Variants in PTPRK observed in about 807,000 individuals in gnomAD.
The protein encoded by PTPRK is protein tyrosine phosphatase receptor type K, also known as receptor-type tyrosine-protein phosphatase kappa.
In PTPRK, 75 loss-of-function variants were observed where a neutral mutation model predicts 178.0. The ratio of observed to expected loss-of-function variants is 0.42; its 90% CI spans 0.35 to 0.51. The LOEUF (loss-of-function observed/expected upper bound fraction) is 0.51. Ranked by LOEUF, PTPRK falls within the 20% of genes least tolerant of loss-of-function variation. The pLI is 0.02. For synonymous variants in PTPRK, 637 were observed against 620.6 expected (o/e 1.03, Z -0.39); for missense variants, 1,441 against 1,797.8 (o/e 0.80, Z 3.59).
chr6:128,017,802 G>GTGTGTATATATATATATATATA (rs1287001811), intron 13 of PTPRK, among the ~76,000 whole-genome samples: 1 of 101,256 alleles, frequency 9.9e-6, no homozygotes, highest in African/African-American at 3.3e-5. Context: ...ATATATATGT[G>GTGTGTATATATATATATATATA]TATATATATA....
At chr6:127,989,161 T>G (rs990461912) in intron 21 of PTPRK, among the ~76,000 whole-genome samples, 3 of 152,088 alleles carry the variant, frequency 2.0e-5, no homozygotes, top group Non-Finnish European at 2.9e-5. Flanking sequence ...TATTACTAAG[T>G]TCATCATTGA....
intron 1 of PTPRK, among the ~76,000 whole-genome samples, chr6:128,491,427 T>A (rs1376442600): frequency 6.6e-6 from 1 of 152,182 alleles, no homozygotes; most frequent in African/African-American, 2.4e-5. Context: ...ACATTCCCAG[T>A]GGGACACAAA....
intron 1 of PTPRK, among the ~76,000 whole-genome samples, chr6:128,492,833 C>T (rs897065442): frequency 2.0e-5 from 3 of 152,178 alleles, no homozygotes; most frequent in African/African-American, 7.2e-5. Context: ...AAACCCCTTG[C>T]TAGTGCCACA....
chr6:128,483,833 T>C (rs760919649), intron 1 of PTPRK, among the ~76,000 whole-genome samples: 1 of 152,194 alleles, frequency 6.6e-6, no homozygotes, highest in Non-Finnish European at 1.5e-5. Flanking sequence ...TAACGTGATA[T>C]GAAATGTTCA....
intron 29 of PTPRK, 59 bp from the exon 30 acceptor site, chr6:127,970,339 A>G: frequency 7.3e-7 from 1 of 1,373,736 alleles, no homozygotes; most frequent in South Asian, 1.2e-5. Context: ...AATGTTGAAT[A>G]ACAGTTACCA....
chr6:128,347,690 T>A (rs1006360840), intron 2 of PTPRK, among the ~76,000 whole-genome samples: 3 of 152,076 alleles, frequency 2.0e-5, no homozygotes, highest in Admixed American at 6.6e-5. Context: ...TTACTGTTTT[T>A]CCTCGTGTAA....
At chr6:128,440,404 A>AT (rs1379712275) in intron 1 of PTPRK, among the ~76,000 whole-genome samples, 2 of 152,230 alleles carry the variant, frequency 1.3e-5, no homozygotes, top group African/African-American at 4.8e-5. Flanking sequence ...CCGATTTCAG[A>AT]TGAGTGTTAG....
At chr6:128,319,379 C>T (rs1175726072) in intron 3 of PTPRK, among the ~76,000 whole-genome samples, 1 of 152,132 alleles carries the variant, frequency 6.6e-6, no homozygotes, top group Non-Finnish European at 1.5e-5. Flanking sequence ...TTTTTATCTT[C>T]TACAGAGCAA....
At chr6:128,321,699 A>G in intron 3 of PTPRK, 2 of 660,644 alleles carry the variant, frequency 3.0e-6, no homozygotes, top group South Asian at 1.7e-5. Context: ...ACAAAGCTGT[A>G]GGAAAGAATC....
chr6:128,082,774 T>C, intron 9 of PTPRK, 136 bp from the exon 10 acceptor site: 1 of 574,234 alleles, frequency 1.7e-6, no homozygotes, highest in East Asian at 2.9e-5. Context: ...TTCTTTCTCA[T>C]GTTGATATTG....
At chr6:128,278,100 A>T (rs1293011011) in intron 3 of PTPRK, among the ~76,000 whole-genome samples, 1 of 151,894 alleles carries the variant, frequency 6.6e-6, no homozygotes, top group East Asian at 1.9e-4. Context: ...AGGTAAAGGA[A>T]ACAATGCAGG....
At chr6:128,063,253 T>C (rs1429474720) in intron 13 of PTPRK, among the ~76,000 whole-genome samples, 1 of 152,200 alleles carries the variant, frequency 6.6e-6, no homozygotes, top group Non-Finnish European at 1.5e-5. Flanking sequence ...TCAATTATTC[T>C]ATGCCACATG....
intron 3 of PTPRK, among the ~76,000 whole-genome samples, chr6:128,269,184 GC>G (rs1819403460): frequency 6.6e-6 from 1 of 152,038 alleles, no homozygotes; most frequent in Admixed American, 6.6e-5. Flanking sequence ...CAAATTTTAT[GC>G]CCAATACTGT....
Position 127,990,781 on chromosome 6 carries a change from G to C in PTPRK, c.3084C>G (p.Phe1028Leu), listed in dbSNP as rs368958277. The change falls in exon 21 of 30, where the codon TTC becomes TTG. Residue 1028 changes from phenylalanine to leucine, a missense_variant. This residue lies in a region of PTPRK where 945 missense variants were observed against 1,080.6 expected (regional missense o/e 0.87). Coordinates refer to ENST00000368226, the MANE Select transcript of PTPRK (RefSeq NM_002844.4). ...TTAGAGTACTTACCCTTTCCAGGGTGAATGTCCTAACTACATATTCAGCAA... is the reference window on the plus strand; with the variant it reads ...TTAGAGTACTTACCCTTTCCAGGGTCAATGTCCTAACTACATATTCAGCAA... ...EPLAEYVVRT[F>L]TLERRGYNEI... is the part of the protein sequence containing the mutation. 4 of 1,599,934 alleles carry C rather than the reference G, an allele frequency of 2.5e-6. No homozygotes were observed. The African/African-American group carries it at 4.0e-5, about 16-fold the overall frequency.
chr6:128,484,994 T>C (rs1852602268), intron 1 of PTPRK, among the ~76,000 whole-genome samples: 1 of 152,174 alleles, frequency 6.6e-6, no homozygotes, highest in Admixed American at 6.5e-5. Flanking sequence ...TGGGATCAAA[T>C]GCATTAGACT....
chr6:128,303,298 T>A (rs750061179), intron 3 of PTPRK, among the ~76,000 whole-genome samples: 1 of 152,198 alleles, frequency 6.6e-6, no homozygotes, highest in Non-Finnish European at 1.5e-5. Context: ...CCCTTTTTTG[T>A]TCCACTAAAC....
intron 23 of PTPRK, 47 bp from the exon 24 acceptor site, chr6:127,983,027 C>A: frequency 6.5e-7 from 1 of 1,540,562 alleles, no homozygotes; most frequent in Non-Finnish European, 8.8e-7. Flanking sequence ...TTTAGTATCA[C>A]TTTTCTGTCA....
At chr6:128,267,333 A>T (rs764761316) in intron 3 of PTPRK, among the ~76,000 whole-genome samples, 3 of 152,086 alleles carry the variant, frequency 2.0e-5, no homozygotes, top group Non-Finnish European at 4.4e-5. Flanking sequence ...TGTCTTATTT[A>T]TTATTTCACC....
chr6:128,116,498 G>A (rs894157580), intron 7 of PTPRK, among the ~76,000 whole-genome samples: 4 of 152,196 alleles, frequency 2.6e-5, no homozygotes, highest in African/African-American at 9.6e-5. Flanking sequence ...CAACCAAAGA[G>A]GGACAGATAA....
Sources: allele counts gnomAD v4.1 joint callset (sites outside exome capture counted in the v4.1 genomes callset), GRCh38; gene constraint gnomAD v4.1.1; regional missense constraint gnomAD v4.1.1; transcripts MANE v1.5; gene names NCBI Gene and HGNC (gene_info 2026-07-23, HGNC 2026-07-21).